Variants in IVNS1ABP observed in about 807,000 individuals in gnomAD.
The protein encoded by IVNS1ABP is influenza virus NS1A-binding protein.
Under a neutral mutation model 78.9 loss-of-function variants are expected in IVNS1ABP, and 25 were observed. The observed-to-expected ratio is 0.32, with a 90% confidence interval of 0.23 to 0.44. IVNS1ABP has a LOEUF of 0.44. Ranked by LOEUF, IVNS1ABP falls within the 20% of genes least tolerant of loss-of-function variation. IVNS1ABP has a pLI of 1.00. For synonymous variants in IVNS1ABP, 241 were observed against 259.7 expected, an observed-to-expected ratio of 0.93 and a Z score of 0.69; for missense variants, 494 against 768.9, an observed-to-expected ratio of 0.64 and a Z score of 4.23.
Position 185,297,937 on chromosome 1 carries a change from C to T in IVNS1ABP, c.*98G>A, listed in dbSNP as rs1236120950. The T allele has an allele frequency of 1.7e-6, 2 of 1,172,238 alleles. No homozygotes were observed. The highest frequency in any genetic ancestry group is 2.4e-6 in the Non-Finnish European group (2 of 820,506). 72.6% of individuals were successfully genotyped at this position (1,172,238 alleles called of 1,614,324 possible). ...TGCAAAAGCTTTGTGTTGCTGTTAGCAACATCTATACCCACCCACCCTCTT... is the reference window on the plus strand; with the variant it reads ...TGCAAAAGCTTTGTGTTGCTGTTAGTAACATCTATACCCACCCACCCTCTT... On this transcript the variant is annotated 3_prime_UTR_variant, in exon 15 of 15. Transcript: ENST00000367498.
intron 2 of IVNS1ABP, among the ~76,000 whole-genome samples, chr1:185,310,669 G>A (rs536530868): frequency 6.6e-6 from 1 of 152,206 alleles, no homozygotes; most frequent in East Asian, 1.9e-4. Flanking sequence ...GAGCCCAGGA[G>A]TTTGAGACCA....
chr1:185,301,350 T>G, intron 9 of IVNS1ABP, 84 bp downstream of exon 9: 1 of 1,503,024 alleles, frequency 6.7e-7, no homozygotes, highest in Admixed American at 1.8e-5. Flanking sequence ...CCTCGAGTAG[T>G]CAATTTAAGA....
rs993081442 is a variant in IVNS1ABP at position 185,301,331 on chromosome 1, G to C, written c.895+103C>G. ...TCGTTTTCCAAATTTAATTGCTTCT[G>C]AGTTTTTTCCTCGAGTAGTCAATTT... On this transcript the variant is annotated intron_variant, in intron 9 of 14. Coordinates refer to ENST00000367498, the MANE Select transcript of IVNS1ABP (RefSeq NM_006469.5). 2.7e-6 allele frequency: 4 copies of C among 1,480,122 alleles called. No homozygotes were observed. In the African/African-American group the frequency reaches 5.6e-5, roughly 21 times the overall value. The allele number at this position is 1,480,122 out of a possible 1,614,324, so 91.7% of individuals were successfully genotyped here. A position where few individuals can be genotyped will look rare whatever the true frequency, so the allele number is the denominator to read the frequency against.
At chr1:185,299,943 C>T (rs1026289154) in intron 13 of IVNS1ABP, 56 bp downstream of exon 13, 11 of 1,608,296 alleles carry the variant, frequency 6.8e-6, no homozygotes, top group Middle Eastern at 1.7e-4. Flanking sequence ...GTGTATACTA[C>T]ACATACTGTT....
At chr1:185,303,384 T>C (rs1196943420) in intron 8 of IVNS1ABP, among the ~76,000 whole-genome samples, 1 of 152,126 alleles carries the variant, frequency 6.6e-6, no homozygotes, top group African/African-American at 2.4e-5. Flanking sequence ...TAGGTAGCTT[T>C]TACAACATGA....
At chr1:185,301,654 C>T in intron 8 of IVNS1ABP, 91 bp from the exon 9 acceptor site, 1 of 1,402,572 alleles carries the variant, frequency 7.1e-7, no homozygotes, top group Non-Finnish European at 9.9e-7. Context: ...ACTGAGTATC[C>T]TTCACCTATA....
In IVNS1ABP at chr1:185,297,998, T is replaced by C; in HGVS notation, c.*37A>G. 1.3e-6 allele frequency: 2 copies of C among 1,597,898 alleles called. No individual in the cohort carries two copies. Among genetic ancestry groups the C allele is most frequent in the Admixed American group, 1.7e-5 (1 of 59,094 alleles). On this transcript the variant is annotated 3_prime_UTR_variant, in exon 15 of 15. Transcript: ENST00000367498. ...TGTACCTCTACTAACCATAATTACA[T>C]CACTAAGCCTGTTAGTTTGAGAGGG...
At chr1:185,301,251 A>G (rs1238592888) in intron 9 of IVNS1ABP, 55 bp from the exon 10 acceptor site, 2 of 1,512,270 alleles carry the variant, frequency 1.3e-6, no homozygotes, top group Non-Finnish European at 1.8e-6. Context: ...TGGTTTGTGT[A>G]TATGATCCTG....
chr1:185,313,306 T>C (rs1241780514), intron 1 of IVNS1ABP, among the ~76,000 whole-genome samples: 3 of 152,188 alleles, frequency 2.0e-5, no homozygotes, highest in African/African-American at 7.2e-5. Flanking sequence ...TCCATGACAG[T>C]ACCTGATTTT....
intron 8 of IVNS1ABP, among the ~76,000 whole-genome samples, chr1:185,304,542 A>G (rs577416882): frequency 6.6e-5 from 10 of 152,292 alleles, no homozygotes; most frequent in African/African-American, 2.4e-4. Flanking sequence ...ATTTTTAAAG[A>G]AAAGCATTCC....
chr1:185,309,176 A>C lies in IVNS1ABP; in HGVS notation c.112-4T>G. 6.4e-7 allele frequency: 1 copy of C among 1,568,694 alleles called. No individual in the cohort carries two copies. Among genetic ancestry groups the C allele is most frequent in the Non-Finnish European group, 8.6e-7 (1 of 1,162,222 alleles). On this transcript the variant is annotated splice_region_variant and splice_polypyrimidine_tract_variant and intron_variant, in intron 3 of 14. Transcript: ENST00000367498. ...CTAACATTTCATGGCCACAGACCTGAAATTATGAAGAATTATAATTATAAG... is the reference window on the plus strand; with the variant it reads ...CTAACATTTCATGGCCACAGACCTGCAATTATGAAGAATTATAATTATAAG...
At chr1:185,316,550 G>T (rs966733569) in intron 1 of IVNS1ABP, among the ~76,000 whole-genome samples, 1 of 152,246 alleles carries the variant, frequency 6.6e-6, no homozygotes, top group Non-Finnish European at 1.5e-5. Context: ...CAGCAAGAAC[G>T]GGGAGTCCCG....
At chr1:185,300,734 G>T in intron 10 of IVNS1ABP, 176 bp from the exon 11 acceptor site, 1 of 732,884 alleles carries the variant, frequency 1.4e-6, no homozygotes, top group Non-Finnish European at 2.2e-6. Context: ...CGCATTATCA[G>T]TACAAATAAA....
chr1:185,312,175 C>T (rs1330065221), intron 1 of IVNS1ABP, among the ~76,000 whole-genome samples: 1 of 152,156 alleles, frequency 6.6e-6, no homozygotes, highest in Admixed American at 6.5e-5. Context: ...TTCTCATACA[C>T]AGTAATAAAC....
At chr1:185,306,656 A>G in intron 7 of IVNS1ABP, 1 of 1,155,784 alleles carries the variant, frequency 8.7e-7, no homozygotes, top group Non-Finnish European at 1.1e-6. Flanking sequence ...GGGGAGGAAC[A>G]ACCATTAGAA....
chr1:185,300,473 T>C lies in IVNS1ABP; in HGVS notation c.1206A>G (p.Arg402=), dbSNP rs1209926913. 1 of 1,613,600 alleles carries C rather than the reference T, an allele frequency of 6.2e-7. No homozygotes were observed. The highest frequency in any genetic ancestry group is 1.3e-5 in the African/African-American group (1 of 74,882). The change falls in exon 11 of 15, where the codon AGA becomes AGG. Residue 402 remains arginine, a synonymous_variant. Coordinates refer to ENST00000367498, the MANE Select transcript of IVNS1ABP (RefSeq NM_006469.5). ...TDHWSFLAPM[R]TPRARFQMAV... Reference sequence around the variant, plus strand: ...CCATTTGAAATCGGGCTCTTGGTGTTCTCATGGGAGCAAGAAAGGACCAGT... The same window carrying C: ...CCATTTGAAATCGGGCTCTTGGTGTCCTCATGGGAGCAAGAAAGGACCAGT...
At chr1:185,316,153 T>A (rs1337102296) in intron 1 of IVNS1ABP, among the ~76,000 whole-genome samples, 1 of 152,194 alleles carries the variant, frequency 6.6e-6, no homozygotes, top group African/African-American at 2.4e-5. Flanking sequence ...ATCTTGCCAC[T>A]GATTTCTTTC....
chr1:185,300,688 G>A (rs1164288941), intron 10 of IVNS1ABP, 130 bp from the exon 11 acceptor site: 2 of 950,932 alleles, frequency 2.1e-6, no homozygotes, highest in East Asian at 5.1e-5. Flanking sequence ...TGCCTTAGTT[G>A]ATCTTTTAAC....
At chr1:185,316,917 CCCT>C in intron 1 of IVNS1ABP, 33 bp downstream of exon 1, 1 of 398,358 alleles carries the variant, frequency 2.5e-6, no homozygotes, top group Non-Finnish European at 4.4e-6. Flanking sequence ...CGCGCCGTCT[CCCT>C]CATCTGTCGT....
Sources: gnomAD v4.1 joint callset for allele counts (sites outside exome capture counted in the v4.1 genomes callset) on GRCh38, gnomAD v4.1.1 for gene constraint, MANE v1.5 for transcripts, NCBI Gene and HGNC (gene_info 2026-07-23, HGNC 2026-07-21) for gene names.